The following TBXAS1 variants were observed in gnomAD, a reference collection of about 807,000 sequenced individuals.
TBXAS1 encodes thromboxane A synthase 1.
A neutral mutation model predicts 60.7 loss-of-function variants in TBXAS1; 48 were observed. The ratio of observed to expected loss-of-function variants is 0.79; its 90% CI spans 0.63 to 1.01. The LOEUF (loss-of-function observed/expected upper bound fraction) is 1.01. TBXAS1 is among the 50% of genes least tolerant of loss of function. The probability of loss-of-function intolerance (pLI) is 0.00; values close to 1 mark genes in which losing one functional copy is unlikely to be tolerated. For synonymous variants in TBXAS1, 287 were observed against 269.7 expected (o/e 1.06, Z -0.63); for missense variants, 685 against 686.3 (o/e 1.00, Z 0.02).
chr7:139,819,585 C>A (rs1012489531), intron 4 of TBXAS1, among the ~76,000 whole-genome samples: 1 of 152,196 alleles, frequency 6.6e-6, no homozygotes, highest in Non-Finnish European at 1.5e-5. Context: ...TCACTGCAAC[C>A]TCCGCCTCCC....
At chr7:139,935,584 C>A (rs1426049181) in intron 4 of TBXAS1, among the ~76,000 whole-genome samples, 1 of 152,124 alleles carries the variant, frequency 6.6e-6, no homozygotes, top group Non-Finnish European at 1.5e-5. Context: ...AGGCTATCAA[C>A]CACTGTTTGC....
At chr7:139,847,775 A>T (rs1799915037) in intron 1 of TBXAS1, among the ~76,000 whole-genome samples, 2 of 152,160 alleles carry the variant, frequency 1.3e-5, no homozygotes, top group Non-Finnish European at 2.9e-5. Flanking sequence ...CTGAATTAAC[A>T]GTTTCTAATC....
At chr7:139,848,269 G>A (rs990026538) in intron 1 of TBXAS1, among the ~76,000 whole-genome samples, 1 of 152,124 alleles carries the variant, frequency 6.6e-6, no homozygotes, top group African/African-American at 2.4e-5. Context: ...ACAGGCATGA[G>A]CCACCATGCC....
intron 9 of TBXAS1, among the ~76,000 whole-genome samples, chr7:139,994,240 G>A (rs1010763649): frequency 3.3e-5 from 5 of 152,010 alleles, no homozygotes; most frequent in East Asian, 1.9e-4. Context: ...ATGGGGTTTC[G>A]CCATGTTGGC....
rs373958807 is a variant in TBXAS1, at chr7:139,875,689, C to G, written c.236+52C>G. The G allele has an allele frequency of 1.4e-5, 23 of 1,601,042 alleles. No homozygotes were observed. The African/African-American group carries it at 2.8e-4, about 20-fold the overall frequency. On this transcript the variant is annotated intron_variant, in intron 3 of 12. Transcript: ENST00000448866. The stretch of plus-strand genomic sequence containing the variant: ...TATGTACGATATTTTCTATTATGTA[C>G]GATATTTTGATTTTCACGTGTTGAA...
intron 5 of TBXAS1, among the ~76,000 whole-genome samples, chr7:139,938,262 ACCGGG>A (rs1807971951): frequency 6.6e-6 from 1 of 152,152 alleles, no homozygotes; most frequent in Non-Finnish European, 1.5e-5. Context: ...AGTGGGGCCC[ACCGGG>A]ATCACTTGGG....
chr7:139,912,498 T>C (rs1453475228), intron 4 of TBXAS1, among the ~76,000 whole-genome samples: 1 of 152,198 alleles, frequency 6.6e-6, no homozygotes, highest in African/African-American at 2.4e-5. Flanking sequence ...ACGTATTCAT[T>C]CTTTTGTTGA....
chr7:139,851,238 A>G (rs1037751039), intron 1 of TBXAS1, among the ~76,000 whole-genome samples: 3 of 152,220 alleles, frequency 2.0e-5, no homozygotes, highest in African/African-American at 7.2e-5. Flanking sequence ...CTGGAGGCTC[A>G]GGCCCTTCAT....
intron 2 of TBXAS1, among the ~76,000 whole-genome samples, chr7:139,781,837 C>CA (rs200999267): frequency 0.32 from 20,652 of 64,358 alleles, 3,661 homozygotes; most frequent in East Asian, 0.54. Flanking sequence ...AATTCCATCT[C>CA]AAAAAAAAAA....
intron 1 of TBXAS1, among the ~76,000 whole-genome samples, chr7:139,841,482 CTT>C (rs5887936): frequency 0.13 from 18,501 of 146,342 alleles, 1,282 homozygotes; most frequent in Non-Finnish European, 0.17. Context: ...ATCTATTTCC[CTT>C]TTTTTTTTTT....
At chr7:139,934,418 C>T (rs556117537) in intron 4 of TBXAS1, among the ~76,000 whole-genome samples, 9 of 152,194 alleles carry the variant, frequency 5.9e-5, no homozygotes, top group Non-Finnish European at 1.2e-4. Context: ...AAACTCCTGA[C>T]CTCAGGTGAT....
chr7:139,790,867 A>G (rs1014315535), intron 4 of TBXAS1, among the ~76,000 whole-genome samples: 11 of 152,130 alleles, frequency 7.2e-5, no homozygotes, highest in Non-Finnish European at 1.5e-4. Flanking sequence ...CAGTGGTGCA[A>G]TCTTGGTTCA....
At chr7:139,839,275 A>G (rs59686482) in intron 1 of TBXAS1, among the ~76,000 whole-genome samples, 9,404 of 152,242 alleles carry the variant, frequency 0.062, 966 homozygotes, top group African/African-American at 0.22. Flanking sequence ...ATTTTACTAA[A>G]AAGAGTGGGA....
chr7:139,901,614 A>G (rs1804580421), intron 3 of TBXAS1, among the ~76,000 whole-genome samples: 1 of 152,042 alleles, frequency 6.6e-6, no homozygotes, highest in South Asian at 2.1e-4. Context: ...CAATCTGTCA[A>G]TCACATCAGG....
intron 4 of TBXAS1, among the ~76,000 whole-genome samples, chr7:139,929,932 T>G (rs543917276): frequency 1.4e-4 from 22 of 152,296 alleles, no homozygotes; most frequent in Admixed American, 9.8e-4. Flanking sequence ...AAAACAGAAG[T>G]CAGCTCAAGA....
intron 5 of TBXAS1, among the ~76,000 whole-genome samples, chr7:139,947,421 G>C (rs1254893872): frequency 6.6e-6 from 1 of 152,084 alleles, no homozygotes; most frequent in Non-Finnish European, 1.5e-5. Flanking sequence ...TTGGGGGAGG[G>C]GGGAGGAAGA....
intron 9 of TBXAS1, among the ~76,000 whole-genome samples, chr7:139,989,599 C>T (rs1236735142): frequency 6.6e-6 from 1 of 152,174 alleles, no homozygotes; most frequent in Non-Finnish European, 1.5e-5. Context: ...GCAGGGGCTT[C>T]ACCCAGTTGA....
chr7:139,935,079 G>C (rs1807642212), intron 4 of TBXAS1, among the ~76,000 whole-genome samples: 1 of 152,236 alleles, frequency 6.6e-6, no homozygotes. Flanking sequence ...CTCCCAGCGT[G>C]CTGGGATTAT....
At chr7:139,922,485 C>A (rs1345618823) in intron 4 of TBXAS1, among the ~76,000 whole-genome samples, 3 of 152,050 alleles carry the variant, frequency 2.0e-5, no homozygotes, top group Non-Finnish European at 4.4e-5. Flanking sequence ...CCCTCCCCCA[C>A]TTTTATTTTA....
Sources: allele counts gnomAD v4.1 joint callset (sites outside exome capture counted in the v4.1 genomes callset), GRCh38; gene constraint gnomAD v4.1.1; transcripts MANE v1.5; gene names NCBI Gene and HGNC (gene_info 2026-07-23, HGNC 2026-07-21).